ZCCHC14: variants seen among roughly 807,000 people sequenced by gnomAD.
ZCCHC14 encodes the protein zinc finger CCHC-type containing 14.
Under a neutral mutation model 85.0 loss-of-function variants are expected in ZCCHC14, and 16 were observed. The observed-to-expected ratio is 0.19, with a 90% CI of 0.13 to 0.29. The LOEUF (loss-of-function observed/expected upper bound fraction) is 0.29. Among genes scored for constraint, ZCCHC14 ranks in the 10% least tolerant of loss-of-function variants. The pLI, the probability that ZCCHC14 is intolerant of heterozygous loss-of-function variation, is 1.00. For missense variants in ZCCHC14, 1,303 were observed against 1,443.5 expected, an observed-to-expected ratio of 0.90 and a Z score of 1.58; for synonymous variants, 775 against 630.7, an observed-to-expected ratio of 1.23 and a Z score of -3.43.
At chr16:87,476,828 G>C (rs1912026688) in intron 1 of ZCCHC14, among the ~76,000 whole-genome samples, 1 of 151,974 alleles carries the variant, frequency 6.6e-6, no homozygotes, top group African/African-American at 2.4e-5. Context: ...TACTGCTTCT[G>C]TCAAAACTGA....
At chr16:87,456,242 A>AT (rs1166928712) in intron 2 of ZCCHC14, among the ~76,000 whole-genome samples, 1 of 152,162 alleles carries the variant, frequency 6.6e-6, no homozygotes, top group African/African-American at 2.4e-5. Context: ...TAGAATTTAG[A>AT]TTTTAGGGCT....
intron 3 of ZCCHC14, among the ~76,000 whole-genome samples, chr16:87,424,978 A>G (rs1447764185): frequency 1.3e-5 from 2 of 152,072 alleles, no homozygotes; most frequent in Non-Finnish European, 2.9e-5. Flanking sequence ...GCTCACAGGC[A>G]CCCAAACCAC....
At chr16:87,456,023 G>T (rs1910942503) in intron 2 of ZCCHC14, among the ~76,000 whole-genome samples, 1 of 152,220 alleles carries the variant, frequency 6.6e-6, no homozygotes, top group African/African-American at 2.4e-5. Context: ...AAGTTGAAAA[G>T]CATCTATGCG....
In ZCCHC14 at chr16:87,417,540, G is replaced by C; in HGVS notation, c.1303C>G (p.Gln435Glu). The change falls in exon 8 of 13, where the codon CAG becomes GAG. Residue 435 changes from glutamine to glutamate, a missense_variant. This residue lies in a region of ZCCHC14 where 389 missense variants were observed against 397.8 expected (regional missense o/e 0.98). Transcript: ENST00000671377. Reference sequence around the variant, plus strand: ...CTAAGCCAGTCTAGAATCCCATTCTGCTCCTGGGTCTGAGGGGTCTGCAGA... The same window carrying C: ...CTAAGCCAGTCTAGAATCCCATTCTCCTCCTGGGTCTGAGGGGTCTGCAGA... The part of the protein sequence containing the change: ...SSLQTPQTQE[Q>E]NGILDWLRKL... 6.2e-7 allele frequency: 1 copy of C among 1,614,264 alleles called. No homozygotes were observed. The highest frequency in any genetic ancestry group is 8.5e-7 in the Non-Finnish European group (1 of 1,180,044).
At chr16:87,478,592 G>C (rs1333429559) in intron 1 of ZCCHC14, among the ~76,000 whole-genome samples, 1 of 150,534 alleles carries the variant, frequency 6.6e-6, no homozygotes, top group Non-Finnish European at 1.5e-5. Flanking sequence ...TGCTTTCAAA[G>C]TATCTCATTA....
chr16:87,431,472 GA>G (rs537437083), intron 3 of ZCCHC14, among the ~76,000 whole-genome samples: 1,407 of 76,762 alleles, frequency 0.018, 12 homozygotes, highest in African/African-American at 0.027. Context: ...GGCTCTGTCT[GA>G]AAAAAAAAAA....
intron 1 of ZCCHC14, among the ~76,000 whole-genome samples, chr16:87,465,962 G>A (rs1911500352): frequency 6.6e-6 from 1 of 152,010 alleles, no homozygotes; most frequent in Non-Finnish European, 1.5e-5. Flanking sequence ...TCTCCGCAAC[G>A]TCCCTTTAGA....
At chr16:87,458,137 A>C (rs563220572) in intron 2 of ZCCHC14, among the ~76,000 whole-genome samples, 1 of 151,834 alleles carries the variant, frequency 6.6e-6, no homozygotes, top group East Asian at 1.9e-4. Flanking sequence ...CAATAATTAC[A>C]TCCTGAAGAA....
chr16:87,484,708 TAAGAG>T (rs1283882977), intron 1 of ZCCHC14, among the ~76,000 whole-genome samples: 9 of 152,146 alleles, frequency 5.9e-5, no homozygotes, highest in Non-Finnish European at 1.2e-4. Flanking sequence ...GTGAAGCGAC[TAAGAG>T]AAGAGGGGCT....
Position 87,411,853 on chromosome 16 carries a change from C to G in ZCCHC14, c.2868G>C (p.Val956=). 6.2e-7 allele frequency: 1 copy of G among 1,608,668 alleles called. No homozygotes were observed. Among genetic ancestry groups the G allele is most frequent in the East Asian group, 2.2e-5 (1 of 44,688 alleles). The change falls in exon 12 of 13, where the codon GTG becomes GTC. Residue 956 remains valine, a synonymous_variant. Transcript: ENST00000671377. ...YFQHPFSGPS[V]FTFPFLPFSP... The stretch of plus-strand genomic sequence containing the variant: ...TGAAGGGCAAGAAGGGGAAGGTGAA[C>G]ACGGACGGACCGGAGAACGGGTGCT...
intron 2 of ZCCHC14, among the ~76,000 whole-genome samples, chr16:87,435,094 A>G (rs1567520756): frequency 1.3e-5 from 2 of 151,936 alleles, no homozygotes; most frequent in South Asian, 4.1e-4. Context: ...GACTCTGACA[A>G]GTCCTACAGT....
rs555689209 is a variant in ZCCHC14, at chr16:87,428,337, G to A, written c.769-4456C>T. Among the ~76,000 whole-genome samples, 14 of 152,306 alleles carry A rather than the reference G, an allele frequency of 9.2e-5. No homozygotes were observed. The East Asian group carries it at 2.5e-3, about 27-fold the overall frequency. ...TAAGTGAAAGTTTTTAGAAAAAAAC[G>A]TTTCTTTGAATCTTGCCATACTGTC... On this transcript the variant is annotated intron_variant, in intron 3 of 12. Transcript: ENST00000671377.
intron 4 of ZCCHC14, among the ~76,000 whole-genome samples, chr16:87,421,196 G>A (rs1340997982): frequency 6.6e-6 from 1 of 152,220 alleles, no homozygotes; most frequent in Admixed American, 6.5e-5. Flanking sequence ...GAGCCAGAGA[G>A]AGCCCCATCG....
At chr16:87,457,033 A>G (rs577389841) in intron 2 of ZCCHC14, among the ~76,000 whole-genome samples, 1 of 152,324 alleles carries the variant, frequency 6.6e-6, no homozygotes, top group Admixed American at 6.5e-5. Context: ...CCTAAGTTTC[A>G]GTAAATCATC....
intron 1 of ZCCHC14, among the ~76,000 whole-genome samples, chr16:87,477,427 T>C (rs145738963): frequency 0.017 from 2,539 of 152,294 alleles, 25 homozygotes; most frequent in Middle Eastern, 0.048. Flanking sequence ...TCAGCAGAGC[T>C]GGCAGAAGCC....
At position 87,467,406 on chromosome 16, in the gene ZCCHC14, A is replaced by T; in HGVS notation, c.571-7275T>A. ...ACTGGGCACAGTTTACTGTCAGGCA[A>T]GCTCTCCTGGAGCAAATATGATTGG... is the stretch of plus-strand genomic sequence containing the variant. On this transcript the variant is annotated intron_variant, in intron 1 of 12. Transcript: ENST00000671377. 2.5e-6 allele frequency: 4 copies of T among 1,601,968 alleles called. No homozygotes were observed. In the South Asian group the frequency reaches 3.3e-5, roughly 13 times the overall value.
At chr16:87,419,285 C>T (rs543280787) in intron 6 of ZCCHC14, among the ~76,000 whole-genome samples, 3 of 151,042 alleles carry the variant, frequency 2.0e-5, no homozygotes, top group Admixed American at 1.3e-4. Flanking sequence ...CCTGCCACCA[C>T]GCCCGGCTAA....
Position 87,478,104 on chromosome 16 carries a change from T to C in ZCCHC14, c.570+13565A>G, listed in dbSNP as rs1912104333. The stretch of plus-strand genomic sequence containing the variant: ...GAAAAATAACATTGATAAATTAACT[T>C]CCTCAATACACTATTAATGGTATGC... On this transcript the variant is annotated intron_variant, in intron 1 of 12. Transcript: ENST00000671377. Among the ~76,000 whole-genome samples the C allele has an allele frequency of 1.3e-5, 2 of 152,226 alleles. 1 individual carries two copies. Among genetic ancestry groups the C allele is most frequent in the African/African-American group, 4.8e-5 (2 of 41,462 alleles).
chr16:87,483,369 T>TA (rs1912375567), intron 1 of ZCCHC14, among the ~76,000 whole-genome samples: 1 of 138,256 alleles, frequency 7.2e-6, no homozygotes, highest in African/African-American at 2.7e-5. Context: ...CACGTGCCTG[T>TA]AATCCCAGCT....
Sources: gnomAD v4.1 joint callset for allele counts (sites outside exome capture counted in the v4.1 genomes callset) on GRCh38, gnomAD v4.1.1 for gene constraint, gnomAD v4.1.1 regional missense constraint, MANE v1.5 for transcripts, NCBI Gene and HGNC (gene_info 2026-07-23, HGNC 2026-07-21) for gene names.